Variants in JCAD observed in about 807,000 individuals in gnomAD.
JCAD encodes junctional cadherin 5-associated protein.
Under a neutral mutation model 98.0 loss-of-function variants are expected in JCAD, and 40 were observed. The observed-to-expected ratio is 0.41, with a 90% CI of 0.32 to 0.53. The LOEUF (loss-of-function observed/expected upper bound fraction) is 0.53. Among genes scored for constraint, JCAD ranks in the 20% least tolerant of loss-of-function variants. The probability of loss-of-function intolerance (pLI) is 0.31; values close to 1 mark genes in which losing one functional copy is unlikely to be tolerated. For synonymous variants in JCAD, 691 were observed against 682.3 expected (o/e 1.01, Z -0.20); for missense variants, 1,705 against 1,738.1 (o/e 0.98, Z 0.34).
intron 2 of JCAD, among the ~76,000 whole-genome samples, chr10:30,032,005 C>T (rs1236486468): frequency 3.3e-5 from 5 of 152,034 alleles, no homozygotes; most frequent in Admixed American, 2.0e-4. Context: ...CCGCCCGCCT[C>T]GGCCTCCCAA....
chr10:30,042,913 G>C (rs1270873134), intron 2 of JCAD, among the ~76,000 whole-genome samples: 2 of 152,178 alleles, frequency 1.3e-5, no homozygotes, highest in African/African-American at 4.8e-5. Flanking sequence ...CCACAGTCAG[G>C]CTTCACAGTC....
rs1303990206 is a variant in JCAD at position 30,013,246 on chromosome 10, G to A, written c.*4637C>T. 1 of 152,258 alleles carries A rather than the reference G, an allele frequency of 6.6e-6. No individual in the cohort carries two copies. The highest frequency in any genetic ancestry group is 1.5e-5 in the Non-Finnish European group (1 of 68,124). The allele number at this position is 152,258 out of a possible 1,614,324, so 9.4% of individuals were successfully genotyped here. A position where few individuals can be genotyped will look rare whatever the true frequency, so the allele number is the denominator to read the frequency against. On this transcript the variant is annotated 3_prime_UTR_variant, in exon 4 of 4. Transcript: ENST00000375377. ...TAGTGCTTGAGCCCAGGAGCTTGAG[G>A]CTGCAGTGAGCCGTGACTGCACCAC...
intron 2 of JCAD, among the ~76,000 whole-genome samples, chr10:30,069,039 T>C (rs1410821248): frequency 3.3e-5 from 5 of 152,236 alleles, no homozygotes; most frequent in African/African-American, 4.8e-5. Context: ...TTGCTTTCAA[T>C]AGCATTGGCC....
intron 1 of JCAD, among the ~76,000 whole-genome samples, chr10:30,106,873 C>G (rs1303089677): frequency 6.6e-6 from 1 of 152,194 alleles, no homozygotes; most frequent in African/African-American, 2.4e-5. Context: ...TTATTATCCT[C>G]CTGGCTGGGC....
intron 1 of JCAD, among the ~76,000 whole-genome samples, chr10:30,051,996 C>A (rs1246467937): frequency 6.6e-6 from 1 of 152,192 alleles, no homozygotes; most frequent in African/African-American, 2.4e-5. Context: ...CAAATGGATT[C>A]TCATCAAAGA....
At chr10:30,072,449 A>C (rs1316472370) in intron 1 of JCAD, among the ~76,000 whole-genome samples, 1 of 152,252 alleles carries the variant, frequency 6.6e-6, no homozygotes, top group Non-Finnish European at 1.5e-5. Context: ...GATCTCATTC[A>C]TCACACCAGA....
At chr10:30,085,715 T>G (rs1377286154) in intron 1 of JCAD, among the ~76,000 whole-genome samples, 1 of 152,132 alleles carries the variant, frequency 6.6e-6, no homozygotes, top group African/African-American at 2.4e-5. Context: ...AAAGTGGCCC[T>G]CCAGCCACTT....
chr10:30,061,920 A>T (rs1837707787), upstream of JCAD, among the ~76,000 whole-genome samples: 1 of 152,202 alleles, frequency 6.6e-6, no homozygotes, highest in Non-Finnish European at 1.5e-5. Context: ...TGGTGCAGAC[A>T]CCTAGGGAGC....
intron 2 of JCAD, among the ~76,000 whole-genome samples, chr10:30,040,209 A>C: frequency 6.6e-6 from 1 of 152,168 alleles, no homozygotes; most frequent in Non-Finnish European, 1.5e-5. Flanking sequence ...CTGTCATCAC[A>C]AGACGCTGCT....
Position 30,027,578 on chromosome 10 carries a change from C to T in JCAD, c.2570G>A (p.Ser857Asn), listed in dbSNP as rs1564442916. The T allele has an allele frequency of 1.8e-5, 29 of 1,613,740 alleles. No individual in the cohort carries two copies. The highest frequency in any genetic ancestry group is 2.5e-5 in the Non-Finnish European group (29 of 1,179,736). Residue 857 changes from serine to asparagine, a missense_variant, in exon 3 of 4, where the codon AGC becomes AAC. Ser to Asn is a conservative substitution (Grantham distance 46). Transcript: ENST00000375377. ...ESSSSSSSSS[S>N]SSEESEAEPQ... ...CTCCGCCTCACTCTCCTCACTGCTG[C>T]TGCTGCTGCTGCTGCTGCTACTGCT...
In JCAD at chr10:30,038,872, C is replaced by T. The variant is rs574031206; in HGVS notation, c.281+8660G>A. Among the ~76,000 whole-genome samples the T allele has an allele frequency of 2.0e-5, 3 of 152,114 alleles. No individual in the cohort carries two copies. The East Asian group carries it at 5.8e-4, about 29-fold the overall frequency. ...GTGGAGCTTGTGAGGGCTCCTGGGG[C>T]AGCCGCCAGCTGCGTGTACTAATGT... is the stretch of plus-strand genomic sequence containing the variant. On this transcript the variant is annotated intron_variant, in intron 2 of 3. Coordinates refer to ENST00000375377, the MANE Select transcript of JCAD (RefSeq NM_020848.4).
intron 1 of JCAD, among the ~76,000 whole-genome samples, chr10:30,048,581 T>C (rs1338053200): frequency 3.9e-5 from 6 of 152,300 alleles, no homozygotes; most frequent in African/African-American, 1.4e-4. Context: ...CTTTTTTTTT[T>C]TGAGATAGAG....
chr10:30,039,373 G>A (rs911567212), intron 2 of JCAD, among the ~76,000 whole-genome samples: 1 of 152,232 alleles, frequency 6.6e-6, no homozygotes, highest in Non-Finnish European at 1.5e-5. Context: ...CTCCCACAAC[G>A]TGAGGCCCTT....
At chr10:30,080,076 A>G (rs564024944) in intron 1 of JCAD, among the ~76,000 whole-genome samples, 3 of 152,340 alleles carry the variant, frequency 2.0e-5, no homozygotes, top group East Asian at 1.9e-4. Context: ...ATTTCCTAGA[A>G]GAAGGCCAGG....
At chr10:30,112,246 G>A (rs772597457) in intron 1 of JCAD, among the ~76,000 whole-genome samples, 62 of 152,238 alleles carry the variant, frequency 4.1e-4, no homozygotes, top group Middle Eastern at 6.8e-3. Flanking sequence ...GGCTGATGTA[G>A]GAGGATCACT....
rs73598339 is a variant in JCAD, at chr10:30,042,574, G to A, written c.281+4958C>T. On this transcript the variant is annotated intron_variant, in intron 2 of 3. Coordinates refer to ENST00000375377, the MANE Select transcript of JCAD (RefSeq NM_020848.4). ...CAGAAGCTGTCAGGGAAGGGAAGAG[G>A]AGCAAAACAAGTACCCGGAGACGCA... is the stretch of plus-strand genomic sequence containing the variant. 4.2e-3 allele frequency among the ~76,000 whole-genome samples: 647 copies of A among 152,248 alleles called. 2 individuals carry two copies. Among genetic ancestry groups the A allele is most frequent in the African/African-American group, 0.015 (621 of 41,534 alleles).
intron 2 of JCAD, among the ~76,000 whole-genome samples, chr10:30,045,942 C>T (rs1281182411): frequency 6.6e-6 from 1 of 152,208 alleles, no homozygotes; most frequent in Non-Finnish European, 1.5e-5. Context: ...AAATCCTTCC[C>T]ATTTTTGCCT....
At chr10:30,100,669 C>T (rs1309815631) in intron 1 of JCAD, among the ~76,000 whole-genome samples, 3 of 152,292 alleles carry the variant, frequency 2.0e-5, no homozygotes, top group Admixed American at 2.0e-4. Context: ...CAGGTGTGAG[C>T]CACCCGACCC....
intron 2 of JCAD, among the ~76,000 whole-genome samples, chr10:30,042,576 G>C (rs1370633991): frequency 1.4e-5 from 2 of 145,496 alleles, no homozygotes; most frequent in African/African-American, 5.7e-5. Flanking sequence ...GGGAAGAGGA[G>C]CAAAACAAGT....
Sources: allele counts gnomAD v4.1 joint callset (sites outside exome capture counted in the v4.1 genomes callset), GRCh38; gene constraint gnomAD v4.1.1; transcripts MANE v1.5; gene names NCBI Gene and HGNC (gene_info 2026-07-23, HGNC 2026-07-21).